DNAH2: variants seen among roughly 807,000 people sequenced by gnomAD.
The protein encoded by DNAH2 is dynein axonemal heavy chain 2.
Under a neutral mutation model 523.5 loss-of-function variants are expected in DNAH2, and 323 were observed. The observed-to-expected ratio is 0.62, with a 90% CI of 0.56 to 0.68. The LOEUF (loss-of-function observed/expected upper bound fraction) is 0.68. Ranked by LOEUF, DNAH2 falls within the 30% of genes least tolerant of loss-of-function variation. The pLI is 0.00. For synonymous variants in DNAH2, 2,093 were observed against 2,177.4 expected, an observed-to-expected ratio of 0.96 and a Z score of 1.08; for missense variants, 4,907 against 5,701.5, an observed-to-expected ratio of 0.86 and a Z score of 4.49.
Position 7,833,105 on chromosome 17 carries a change from G to T in DNAH2, c.13013G>T (p.Gly4338Val). Residue 4338 changes from glycine (G) to valine (V), a missense_variant, in exon 85 of 86, where the codon GGT (glycine) becomes GTT (valine). Physicochemically the swap from Gly to Val is moderately radical, Grantham distance 109. This residue lies in a region of DNAH2 where 1,851 missense variants were observed against 2,139.4 expected (regional missense o/e 0.87). Coordinates refer to ENST00000572933, the MANE Select transcript of DNAH2 (RefSeq NM_020877.5). ...GVWVRGLYLE[G>V]AGWDRKNSCL... ...TGGGTCCGGGGCCTGTACCTGGAAGGTGCTGGCTGGGACCGGAAGAACTCC... is the reference window on the plus strand; with the variant it reads ...TGGGTCCGGGGCCTGTACCTGGAAGTTGCTGGCTGGGACCGGAAGAACTCC... 6.2e-7 allele frequency: 1 copy of T among 1,613,102 alleles called. No individual in the cohort carries two copies. Among genetic ancestry groups the T allele is most frequent in the Admixed American group, 1.7e-5 (1 of 60,022 alleles).
Position 7,807,336 on chromosome 17 carries a change from TGGGGC to T in DNAH2, c.9612+25_9612+29del. On this transcript the variant is annotated intron_variant, in intron 62 of 85. Coordinates refer to ENST00000572933, the MANE Select transcript of DNAH2 (RefSeq NM_020877.5). This position sits in a 1 kb window ranked among gnomAD's most constrained non-coding sequence, Gnocchi z 5.6. ...GCCATGGAGGTAAAGGCGTCAGGGCTGGGGCGGGGCGGTAGGGAGGGCAGGCCTGG... is the reference window on the plus strand; with the variant it reads ...GCCATGGAGGTAAAGGCGTCAGGGCTGGGGCGGTAGGGAGGGCAGGCCTGG... The T allele has an allele frequency of 1.9e-6, 3 of 1,606,756 alleles. No homozygotes were observed. The highest frequency in any genetic ancestry group is 2.5e-6 in the Non-Finnish European group (3 of 1,177,212).
chr17:7,796,412 C>T, intron 49 of DNAH2, 52 bp from the exon 50 acceptor site: 1 of 1,592,160 alleles, frequency 6.3e-7, no homozygotes, highest in South Asian at 1.1e-5. Flanking sequence ...TTGGCTTCCC[C>T]TCTGGCTAGA....
Position 7,754,460 on chromosome 17 carries a change from G to A in DNAH2, c.1905-2631G>A, listed in dbSNP as rs1468051776. On this transcript the variant is annotated intron_variant, in intron 12 of 85. Coordinates refer to ENST00000572933, the MANE Select transcript of DNAH2 (RefSeq NM_020877.5). The surrounding 1 kb of genome is among the most constrained non-coding windows in gnomAD (Gnocchi z 4.6). Reference sequence around the variant, plus strand: ...CACAGAAATGGTATCAAGAAACCGCGATCACAAAGATACAAATCTCTTAAG... The same window carrying A: ...CACAGAAATGGTATCAAGAAACCGCAATCACAAAGATACAAATCTCTTAAG... The A allele has an allele frequency of 8.8e-6, 6 of 679,136 alleles. No individual in the cohort carries two copies. The highest frequency in any genetic ancestry group is 2.5e-5 in the East Asian group (1 of 40,134). The allele number at this position is 679,136 out of a possible 1,614,324, so 42.1% of individuals were successfully genotyped here. A position where few individuals can be genotyped will look rare whatever the true frequency, so the allele number is the denominator to read the frequency against.
In DNAH2 at chr17:7,786,550, C is replaced by T. The variant is rs371693337; in HGVS notation, c.6349-20C>T. On this transcript the variant is annotated intron_variant, in intron 40 of 85. Coordinates refer to ENST00000572933, the MANE Select transcript of DNAH2 (RefSeq NM_020877.5). The surrounding 1 kb of genome is among the most constrained non-coding windows in gnomAD (Gnocchi z 7.5). ...TTTTTGTCCATCAGCAGCTAAAACC[C>T]CTTCCGGTGTCATTTTCAGGAGTTC... is the stretch of plus-strand genomic sequence containing the variant. 3 of 1,607,974 alleles carry T rather than the reference C, an allele frequency of 1.9e-6. No homozygotes were observed. The highest frequency in any genetic ancestry group is 2.7e-5 in the African/African-American group (2 of 74,754).
Position 7,816,798 on chromosome 17 carries a change from C to T in DNAH2, c.9894+63C>T. The T allele has an allele frequency of 4.4e-6, 7 of 1,575,120 alleles. 1 individual carries two copies. The highest frequency in any genetic ancestry group is 2.3e-5 in the South Asian group (2 of 86,250). The stretch of plus-strand genomic sequence containing the variant: ...GCTCGCCACTTCCGAGAGACCCATC[C>T]CTTTTAGCTTGAGGAGCAGTCAGGG... On this transcript the variant is annotated intron_variant, in intron 64 of 85. Coordinates refer to ENST00000572933, the MANE Select transcript of DNAH2 (RefSeq NM_020877.5).
chr17:7,762,246 A>AG (rs1195156106), intron 18 of DNAH2, among the ~76,000 whole-genome samples: 1 of 151,986 alleles, frequency 6.6e-6, no homozygotes, highest in Non-Finnish European at 1.5e-5. Flanking sequence ...ATCACACGCC[A>AG]GGGCAGTTCA....
In DNAH2 at chr17:7,749,307, C is replaced by CAT. The variant is rs1567636694; in HGVS notation, c.1904+6165_1904+6166insAT. On this transcript the variant is annotated intron_variant, in intron 12 of 85. Transcript: ENST00000572933. ...TGGGCAACAAGAGCTAAACTCCCCC[C>CAT]CAAAAAAAAAAAAAAAAAAAAAAAA... Among the ~76,000 whole-genome samples, 5 of 52,566 alleles carry CAT rather than the reference C, an allele frequency of 9.5e-5. 1 individual carries two copies. The highest frequency in any genetic ancestry group is 1.5e-4 in the Non-Finnish European group (5 of 32,650). 34.5% of individuals were successfully genotyped at this position (52,566 alleles called of 152,430 possible). A position where few individuals can be genotyped will look rare whatever the true frequency, so the allele number is the denominator to read the frequency against.
At chr17:7,741,289 TCTTTCTTCCTTCCTTC>T (rs2075324279) in intron 11 of DNAH2, among the ~76,000 whole-genome samples, 1 of 55,520 alleles carries the variant, frequency 1.8e-5, no homozygotes, top group African/African-American at 9.3e-5. Context: ...TTTCTTTCTT[TCTTTCTTCCTTCCTTC>T]CCTCCCTCCC....
chr17:7,813,989 C>G (rs1597743711), intron 63 of DNAH2, among the ~76,000 whole-genome samples: 1 of 151,440 alleles, frequency 6.6e-6, no homozygotes, highest in South Asian at 2.1e-4. Context: ...CAGTGGTGAA[C>G]AAGTCTCTGA....
At position 7,780,835 on chromosome 17, in the gene DNAH2, G is replaced by C; in HGVS notation, c.6003+53G>C. ...TGACTTCCACTGTCACTGGACCTAT[G>C]TCACTTCTCTCAAGTCTTTCAGACC... On this transcript the variant is annotated intron_variant, in intron 38 of 85. Transcript: ENST00000572933. This position sits in a 1 kb window ranked among gnomAD's most constrained non-coding sequence, Gnocchi z 4.4. 6.2e-7 allele frequency: 1 copy of C among 1,610,838 alleles called. No individual in the cohort carries two copies. The highest frequency in any genetic ancestry group is 1.8e-4 in the Middle Eastern group (1 of 5,578).
Position 7,747,277 on chromosome 17 carries a change from CT to C in DNAH2, c.1904+4144del, listed in dbSNP as rs565423492. On this transcript the variant is annotated intron_variant, in intron 12 of 85. Transcript: ENST00000572933. ...AGCCACTGCACCCCGTCACACCTTG[CT>C]TTTTTTTTAAGGTTAACAATCTGTG... 8.1e-3 allele frequency among the ~76,000 whole-genome samples: 1,223 copies of C among 150,706 alleles called. 15 individuals are homozygous for C. Among genetic ancestry groups the C allele is most frequent in the African/African-American group, 0.026 (1,071 of 41,062 alleles).
Position 7,830,803 on chromosome 17 carries a change from A to T in DNAH2, c.12191A>T (p.Asp4064Val), listed in dbSNP as rs751507928. Reference protein sequence around the residue: ...DRRLLTTYINDYFCDQSLSTP... With the variant: ...DRRLLTTYINVYFCDQSLSTP... The stretch of plus-strand genomic sequence containing the variant: ...CGCCTGCTGACCACCTACATCAATG[A>T]TTATTTCTGTGACCAGTCTCTATCA... Residue 4064 changes from aspartate (D) to valine (V), a missense_variant, in exon 79 of 86, where the codon GAT (aspartate) becomes GTT (valine). This residue lies in a region of DNAH2 where 1,851 missense variants were observed against 2,139.4 expected (regional missense o/e 0.87). Transcript: ENST00000572933. The T allele has an allele frequency of 1.2e-6, 2 of 1,613,950 alleles. No homozygotes were observed. Among genetic ancestry groups the T allele is most frequent in the Non-Finnish European group, 8.5e-7 (1 of 1,180,010 alleles).
chr17:7,779,866 A>T (rs780097810), intron 36 of DNAH2, among the ~76,000 whole-genome samples: 3 of 152,170 alleles, frequency 2.0e-5, no homozygotes, highest in Non-Finnish European at 4.4e-5. Flanking sequence ...ATTAGGACTG[A>T]TGAGAGCTAT....
At chr17:7,743,164 T>C in intron 12 of DNAH2, 22 bp downstream of exon 12, 1 of 1,608,482 alleles carries the variant, frequency 6.2e-7, no homozygotes, top group South Asian at 1.1e-5. Flanking sequence ...ACCTGGCCCC[T>C]TTTCCCTATA....
intron 12 of DNAH2, among the ~76,000 whole-genome samples, chr17:7,744,167 G>A (rs2075444094): frequency 6.6e-6 from 1 of 152,060 alleles, no homozygotes; most frequent in Non-Finnish European, 1.5e-5. Context: ...TGTGGCAGGT[G>A]CCTATAATCC....
Position 7,797,758 on chromosome 17 carries a change from T to C in DNAH2, c.8159T>C (p.Leu2720Pro), listed in dbSNP as rs745348163. The change falls in exon 53 of 86, where the codon CTA (leucine) becomes CCA (proline). Residue 2720 changes from leucine to proline, a missense_variant. Leu to Pro is a moderately conservative substitution (Grantham distance 98, BLOSUM62 -3). Transcript: ENST00000572933. ...TVLKTVMETA[L>P]NEYNLSPSVV... ...CTGAAGACAGTCATGGAGACAGCTC[T>C]AAATGAGTATAACCTGTCACCCTCT... 2.5e-6 allele frequency: 4 copies of C among 1,614,016 alleles called. No homozygotes were observed. Among genetic ancestry groups the C allele is most frequent in the Non-Finnish European group, 2.5e-6 (3 of 1,180,018 alleles).
At chr17:7,752,160 T>TACACACACTCACACAC (rs146035380) in intron 12 of DNAH2, among the ~76,000 whole-genome samples, 26,643 of 124,672 alleles carry the variant, frequency 0.21, 3,406 homozygotes, top group East Asian at 0.39. Flanking sequence ...TAAGTCATTT[T>TACACACACTCACACAC]ACACACACAC....
Position 7,759,483 on chromosome 17 carries a change from G to A in DNAH2, c.2510G>A (p.Arg837His), listed in dbSNP as rs779653586. The change falls in exon 16 of 86, where the codon CGC becomes CAC. Residue 837 changes from arginine to histidine, a missense_variant. Arg to His is a conservative substitution (Grantham distance 29, BLOSUM62 0). Coordinates refer to ENST00000572933, the MANE Select transcript of DNAH2 (RefSeq NM_020877.5). ...RLDRMMEDAL[R>H]LNVKWSLLEL... ...GACCGCATGATGGAGGATGCCCTGC[G>A]CCTGAATGTGAAGTGGTCACTGCTA... 33 of 1,613,958 alleles carry A rather than the reference G, an allele frequency of 2.0e-5. No individual in the cohort carries two copies. In the East Asian group the frequency reaches 2.2e-4, roughly 11 times the overall value.
chr17:7,753,248 T>C (rs1171957849), intron 12 of DNAH2, among the ~76,000 whole-genome samples: 2 of 151,976 alleles, frequency 1.3e-5, no homozygotes, highest in Non-Finnish European at 2.9e-5. Context: ...GCAGAGAAGA[T>C]GATGTGCTTG....
Sources: allele counts gnomAD v4.1 joint callset (sites outside exome capture counted in the v4.1 genomes callset), GRCh38; gene constraint gnomAD v4.1.1; regional missense constraint gnomAD v4.1.1; non-coding constraint Gnocchi (gnomAD v3.1); transcripts MANE v1.5; gene names NCBI Gene and HGNC (gene_info 2026-07-23, HGNC 2026-07-21).